PPFIA2: variants seen among roughly 807,000 people sequenced by gnomAD.
PPFIA2 encodes the protein liprin-alpha-2.
PPFIA2 carries 46 observed loss-of-function variants against 175.5 expected under a neutral mutation model. The ratio of observed to expected loss-of-function variants is 0.26; its 90% CI spans 0.21 to 0.34. The LOEUF is 0.34. PPFIA2 is among the 10% of genes least tolerant of loss of function. PPFIA2 has a pLI of 1.00. For synonymous variants in PPFIA2, 568 were observed against 511.4 expected (o/e 1.11, Z -1.49); for missense variants, 1,179 against 1,506.1 (o/e 0.78, Z 3.60).
chr12:81,406,408 T>C (rs2042943222), intron 7 of PPFIA2, among the ~76,000 whole-genome samples: 1 of 152,078 alleles, frequency 6.6e-6, no homozygotes, highest in Admixed American at 6.6e-5. Context: ...AAAAAAAAAT[T>C]TGTAATGCTG....
intron 4 of PPFIA2, among the ~76,000 whole-genome samples, chr12:81,504,241 T>C (rs991133911): frequency 6.6e-6 from 1 of 152,110 alleles, no homozygotes; most frequent in Non-Finnish European, 1.5e-5. Context: ...TTTTGCAATC[T>C]ATCCATCTGA....
chr12:81,520,320 G>A (rs987254788), intron 4 of PPFIA2, among the ~76,000 whole-genome samples: 1 of 152,134 alleles, frequency 6.6e-6, no homozygotes, highest in African/African-American at 2.4e-5. Flanking sequence ...AAGCAGGTTG[G>A]CATGAGATTT....
chr12:81,365,224 C>A (rs965704721), intron 14 of PPFIA2, among the ~76,000 whole-genome samples: 2 of 151,624 alleles, frequency 1.3e-5, no homozygotes, highest in Admixed American at 1.3e-4. Context: ...AGAGTTTGAG[C>A]CTACAGAGGG....
chr12:81,527,366 T>TC (rs2063849224), intron 4 of PPFIA2, among the ~76,000 whole-genome samples: 1 of 133,042 alleles, frequency 7.5e-6, no homozygotes, highest in East Asian at 2.2e-4. Flanking sequence ...CCCGGGGAGC[T>TC]CCATTTTATG....
At chr12:81,635,625 G>A (rs1328393986) in intron 4 of PPFIA2, among the ~76,000 whole-genome samples, 1 of 152,112 alleles carries the variant, frequency 6.6e-6, no homozygotes, top group East Asian at 1.9e-4. Flanking sequence ...TGTGGTGGCT[G>A]GTGCTGGCTT....
intron 4 of PPFIA2, among the ~76,000 whole-genome samples, chr12:81,515,023 T>C (rs1464747422): frequency 6.6e-6 from 1 of 151,950 alleles, no homozygotes; most frequent in African/African-American, 2.4e-5. Flanking sequence ...TAAAATAAAT[T>C]TAATGAGAGA....
chr12:81,342,051 A>G (rs1404174958), intron 19 of PPFIA2, among the ~76,000 whole-genome samples: 1 of 152,142 alleles, frequency 6.6e-6, no homozygotes, highest in Non-Finnish European at 1.5e-5. Context: ...GTTCCATTTT[A>G]CTACCATGAT....
intron 24 of PPFIA2, among the ~76,000 whole-genome samples, chr12:81,293,554 A>C (rs530083628): frequency 6.6e-6 from 1 of 152,238 alleles, no homozygotes; most frequent in African/African-American, 2.4e-5. Context: ...CAATATCACT[A>C]ATCATCAGAT....
chr12:81,507,303 C>A (rs903579195), intron 4 of PPFIA2, among the ~76,000 whole-genome samples: 7 of 151,826 alleles, frequency 4.6e-5, no homozygotes, highest in Admixed American at 1.3e-4. Flanking sequence ...TAATTCTTTT[C>A]TTGTTGGTTT....
chr12:81,508,345 A>C (rs562647889), intron 4 of PPFIA2, among the ~76,000 whole-genome samples: 5 of 151,912 alleles, frequency 3.3e-5, no homozygotes, highest in African/African-American at 1.2e-4. Flanking sequence ...AACATAGAGA[A>C]ACCCCGTTTC....
chr12:81,387,028 T>C (rs1036095828), intron 8 of PPFIA2, among the ~76,000 whole-genome samples: 3 of 152,036 alleles, frequency 2.0e-5, no homozygotes, highest in Admixed American at 6.6e-5. Flanking sequence ...CAATGCCCCT[T>C]GTATGTCATA....
At chr12:81,679,483 G>A (rs1418227653) in intron 3 of PPFIA2, among the ~76,000 whole-genome samples, 4 of 151,842 alleles carry the variant, frequency 2.6e-5, no homozygotes, top group Admixed American at 2.0e-4. Context: ...ATCTAAGTAA[G>A]TTGTGCCAAG....
At chr12:81,610,975 G>T (rs561657419) in intron 4 of PPFIA2, among the ~76,000 whole-genome samples, 1 of 152,268 alleles carries the variant, frequency 6.6e-6, no homozygotes, top group Admixed American at 6.5e-5. Flanking sequence ...TTTCACAGGT[G>T]TATATATTAA....
chr12:81,641,318 A>G (rs1177068123), intron 4 of PPFIA2, among the ~76,000 whole-genome samples: 1 of 152,076 alleles, frequency 6.6e-6, no homozygotes, highest in Non-Finnish European at 1.5e-5. Context: ...AATCTCATTG[A>G]TTATTATCTC....
chr12:81,505,834 G>T (rs559337400), intron 4 of PPFIA2: 1 of 152,350 alleles, frequency 6.6e-6, no homozygotes, highest in Non-Finnish European at 1.5e-5. Flanking sequence ...TCAGTCCTTA[G>T]AAATAGGCTC....
intron 3 of PPFIA2, among the ~76,000 whole-genome samples, chr12:81,702,220 T>C (rs1439125451): frequency 6.6e-6 from 1 of 151,470 alleles, no homozygotes; most frequent in Non-Finnish European, 1.5e-5. Flanking sequence ...ATTATGCTGA[T>C]GTAGTTCCAC....
chr12:81,620,506 C>T (rs1052284031), intron 4 of PPFIA2, among the ~76,000 whole-genome samples: 1 of 152,078 alleles, frequency 6.6e-6, no homozygotes, highest in East Asian at 1.9e-4. Flanking sequence ...ATGTCCAAAG[C>T]TTAAGGTGAG....
At chr12:81,377,205 T>G (rs1300030030) in intron 9 of PPFIA2, among the ~76,000 whole-genome samples, 1 of 152,046 alleles carries the variant, frequency 6.6e-6, no homozygotes, top group African/African-American at 2.4e-5. Flanking sequence ...GTGCCATTAT[T>G]TGACTTTGAG....
At chr12:81,649,735 C>T (rs1441779513) in intron 4 of PPFIA2, among the ~76,000 whole-genome samples, 1 of 152,152 alleles carries the variant, frequency 6.6e-6, no homozygotes, top group East Asian at 1.9e-4. Flanking sequence ...TTTTACACTA[C>T]TGATACCGCA....
Sources: gnomAD v4.1 joint callset for allele counts (sites outside exome capture counted in the v4.1 genomes callset) on GRCh38, gnomAD v4.1.1 for gene constraint, MANE v1.5 for transcripts, NCBI Gene and HGNC (gene_info 2026-07-23, HGNC 2026-07-21) for gene names.